Variants in WDR33 observed in about 807,000 individuals in gnomAD.
The protein encoded by WDR33 is pre-mRNA 3' end processing protein WDR33.
Under a neutral mutation model 164.9 loss-of-function variants are expected in WDR33, and 47 were observed. The ratio of observed to expected loss-of-function variants is 0.29; its 90% CI spans 0.23 to 0.36. The LOEUF (loss-of-function observed/expected upper bound fraction) is 0.36. WDR33 is among the 10% of genes least tolerant of loss of function. WDR33 has a pLI of 1.00. For missense variants in WDR33, 1,137 were observed against 1,754.1 expected (o/e 0.65, Z 6.28); for synonymous variants, 505 against 589.0 (o/e 0.86, Z 2.06).
chr2:127,736,947 AAC>A (rs1267587147), intron 7 of WDR33: 24 of 985,118 alleles, frequency 2.4e-5, no homozygotes, highest in East Asian at 1.1e-4. Flanking sequence ...AATGGAGAAA[AAC>A]AGTTAATTGA....
At chr2:127,740,037 T>G (rs1686966871) in intron 7 of WDR33, among the ~76,000 whole-genome samples, 1 of 152,124 alleles carries the variant, frequency 6.6e-6, no homozygotes, top group Non-Finnish European at 1.5e-5. Flanking sequence ...TTGATTATGT[T>G]TTTTTTTAAG....
chr2:127,758,579 A>G (rs1687584692), intron 7 of WDR33, among the ~76,000 whole-genome samples: 1 of 152,200 alleles, frequency 6.6e-6, no homozygotes, highest in African/African-American at 2.4e-5. Context: ...AAGAAGGTAA[A>G]ACAAAATTAA....
In WDR33 at chr2:127,764,734, A is replaced by T. The variant is rs1027415315; in HGVS notation, c.626+94T>A. On this transcript the variant is annotated intron_variant, in intron 6 of 21. Coordinates refer to ENST00000322313, the MANE Select transcript of WDR33 (RefSeq NM_018383.5). This position sits in a 1 kb window ranked among gnomAD's most constrained non-coding sequence, Gnocchi z 6.2. ...GGTGCAGAAAGTTTCCCAGAAACTG[A>T]CAGAGCCCATGCATCTCTGCACCCA... is the stretch of plus-strand genomic sequence containing the variant. 11 of 1,614,168 alleles carry T rather than the reference A, an allele frequency of 6.8e-6. No individual in the cohort carries two copies. The highest frequency in any genetic ancestry group is 8.5e-6 in the Non-Finnish European group (10 of 1,180,016).
At chr2:127,750,669 AAAAAAAAAATATATATATATATATATAT>A (rs1687303644) in intron 7 of WDR33, among the ~76,000 whole-genome samples, 2 of 69,790 alleles carry the variant, frequency 2.9e-5, no homozygotes, top group African/African-American at 1.7e-4. Flanking sequence ...AAAAAAAAAA[AAAAAAAAAATATATATATATATATATAT>A]ATATATATAT....
At chr2:127,803,389 G>A (rs2104684300) in intron 1 of WDR33, among the ~76,000 whole-genome samples, 1 of 152,180 alleles carries the variant, frequency 6.6e-6, no homozygotes, top group Admixed American at 6.6e-5. Flanking sequence ...AGACCAGCCT[G>A]GCCAATATGG....
chr2:127,740,826 TAAA>T (rs1459550531), intron 7 of WDR33, among the ~76,000 whole-genome samples: 1 of 152,212 alleles, frequency 6.6e-6, no homozygotes, highest in Admixed American at 6.5e-5. Flanking sequence ...AGCCTCTTCC[TAAA>T]TTACTTTCAA....
rs886110109 is a variant in WDR33, at chr2:127,724,875, A to G, written c.1085+12T>C. 8.7e-6 allele frequency: 14 copies of G among 1,613,878 alleles called. No homozygotes were observed. ...ACAAAATACACTACTTTTTCACATA[A>G]ATCTTACATACCCAACATGCCAGAA... On this transcript the variant is annotated intron_variant, in intron 10 of 21. Coordinates refer to ENST00000322313, the MANE Select transcript of WDR33 (RefSeq NM_018383.5). The surrounding 1 kb of genome is among the most constrained non-coding windows in gnomAD (Gnocchi z 4.8).
intron 1 of WDR33, among the ~76,000 whole-genome samples, chr2:127,787,566 G>A (rs1454897674): frequency 2.7e-5 from 3 of 112,206 alleles, no homozygotes; most frequent in African/African-American, 4.0e-5. Context: ...CCCGGACGGG[G>A]CGGCTGGCCG....
At position 127,770,458 on chromosome 2, in the gene WDR33, G is replaced by A. The variant is rs1397378512; in HGVS notation, c.204+320C>T. On this transcript the variant is annotated intron_variant, in intron 2 of 21. Coordinates refer to ENST00000322313, the MANE Select transcript of WDR33 (RefSeq NM_018383.5). The surrounding 1 kb of genome is among the most constrained non-coding windows in gnomAD (Gnocchi z 4.9). ...TAATCCCAGCACTTTGGGAGACTGA[G>A]GCAGGTGGATCACCTGAGGTTAGGA... is the stretch of plus-strand genomic sequence containing the variant. Among the ~76,000 whole-genome samples, 1 of 152,146 alleles carries A rather than the reference G, an allele frequency of 6.6e-6. No individual in the cohort carries two copies. The highest frequency in any genetic ancestry group is 2.4e-5 in the African/African-American group (1 of 41,440).
intron 1 of WDR33, among the ~76,000 whole-genome samples, chr2:127,780,888 T>A (rs1688347520): frequency 6.6e-6 from 1 of 152,138 alleles, no homozygotes; most frequent in Non-Finnish European, 1.5e-5. Context: ...TGAGAGACAG[T>A]CTCACTCTGT....
At chr2:127,809,574 T>C (rs1257303256) in intron 1 of WDR33, among the ~76,000 whole-genome samples, 2 of 151,932 alleles carry the variant, frequency 1.3e-5, no homozygotes, top group Non-Finnish European at 2.9e-5. Context: ...TAGCTGGGAT[T>C]ACAGGCGCCC....
chr2:127,795,658 A>T (rs990640628), intron 1 of WDR33, among the ~76,000 whole-genome samples: 4 of 77,752 alleles, frequency 5.1e-5, no homozygotes, highest in African/African-American at 2.0e-4. Flanking sequence ...TCCTTTCTAT[A>T]AAAAAAAAAA....
chr2:127,736,141 G>C, intron 7 of WDR33: 1 of 985,388 alleles, frequency 1.0e-6, no homozygotes, highest in Non-Finnish European at 1.2e-6. Flanking sequence ...CAAATCTGTG[G>C]GAGAATTTGG....
In WDR33 at chr2:127,722,905, C is replaced by T. The variant is rs192492049; in HGVS notation, c.1378+53G>A. ...TCAATATATTTATCAGGAACATAAA[C>T]GGGTCAAGAAAAAATTTGTAAAAAT... On this transcript the variant is annotated intron_variant, in intron 13 of 21. Transcript: ENST00000322313. This position sits in a 1 kb window ranked among gnomAD's most constrained non-coding sequence, Gnocchi z 5.1. 1.1e-5 allele frequency: 17 copies of T among 1,520,070 alleles called. No individual in the cohort carries two copies. The South Asian group carries it at 1.2e-4, about 11-fold the overall frequency. 94.2% of individuals were successfully genotyped at this position (1,520,070 alleles called of 1,614,324 possible).
At chr2:127,791,149 C>T (rs953386575) in intron 1 of WDR33, among the ~76,000 whole-genome samples, 12 of 128,728 alleles carry the variant, frequency 9.3e-5, no homozygotes, top group Non-Finnish European at 2.0e-4. Flanking sequence ...TTTATCCAAA[C>T]TCTTTCCCCA....
Position 127,741,614 on chromosome 2 carries a change from A to G in WDR33, c.725-14837T>C. Among the ~76,000 whole-genome samples the G allele has an allele frequency of 6.6e-6, 1 of 152,206 alleles. No individual in the cohort carries two copies. The highest frequency in any genetic ancestry group is 1.9e-4 in the East Asian group (1 of 5,188). On this transcript the variant is annotated intron_variant, in intron 7 of 21. Coordinates refer to ENST00000322313, the MANE Select transcript of WDR33 (RefSeq NM_018383.5). This position sits in a 1 kb window ranked among gnomAD's most constrained non-coding sequence, Gnocchi z 4.1. ...AAAAAAATGCAAGATAGCTACTTAT[A>G]CTAACCAATACAAACCACCATTCAA...
At position 127,711,778 on chromosome 2, in the gene WDR33, A is replaced by AT. The variant is rs1375261650; in HGVS notation, c.3308+1804dup. Among the ~76,000 whole-genome samples the AT allele has an allele frequency of 2.1e-3, 194 of 93,032 alleles. 4 individuals are homozygous for AT. Among genetic ancestry groups the AT allele is most frequent in the South Asian group, 9.3e-3 (22 of 2,372 alleles). 61.0% of individuals were successfully genotyped at this position (93,032 alleles called of 152,430 possible). A position where few individuals can be genotyped will look rare whatever the true frequency, so the allele number is the denominator to read the frequency against. ...TATATATATATATATATATATATAT[A>AT]TATTTTTTTTTTGAGACAGAGTCTC... On this transcript the variant is annotated intron_variant, in intron 18 of 21. Coordinates refer to ENST00000322313, the MANE Select transcript of WDR33 (RefSeq NM_018383.5).
chr2:127,775,196 A>T (rs532995589), intron 1 of WDR33, among the ~76,000 whole-genome samples: 21 of 151,964 alleles, frequency 1.4e-4, no homozygotes, highest in African/African-American at 5.1e-4. Flanking sequence ...TAAAAAAAAA[A>T]ATTTTTTTTT....
intron 4 of WDR33, among the ~76,000 whole-genome samples, chr2:127,767,539 C>T (rs1377217521): frequency 1.3e-5 from 2 of 151,872 alleles, no homozygotes; most frequent in Non-Finnish European, 2.9e-5. Flanking sequence ...CGGTGAAACC[C>T]CGTCTCTACT....
Sources: allele counts gnomAD v4.1 joint callset (sites outside exome capture counted in the v4.1 genomes callset), GRCh38; gene constraint gnomAD v4.1.1; non-coding constraint Gnocchi (gnomAD v3.1); transcripts MANE v1.5; gene names NCBI Gene and HGNC (gene_info 2026-07-23, HGNC 2026-07-21).